The following ANXA4 variants were observed in gnomAD, a reference collection of about 807,000 sequenced individuals.
ANXA4 encodes the protein annexin A4.
A neutral mutation model predicts 49.8 loss-of-function variants in ANXA4; 39 were observed. That is an observed-to-expected ratio of 0.78 (90% confidence interval 0.61 to 1.02). The LOEUF is 1.02. ANXA4 is among the 50% of genes least tolerant of loss of function. ANXA4 has a pLI of 0.00. For missense variants in ANXA4, 360 were observed against 410.1 expected, an observed-to-expected ratio of 0.88 and a Z score of 1.05; for synonymous variants, 134 against 152.5, an observed-to-expected ratio of 0.88 and a Z score of 0.89.
Position 69,787,934 on chromosome 2 carries a change from C to G in ANXA4, c.10-120C>G, listed in dbSNP as rs1018148391. On this transcript the variant is annotated intron_variant, in intron 2 of 12. Transcript: ENST00000394295. ...TAATTTTTCATGGTCACTACTGTACCCCTAGCACCTAGAATACCATCTAGG... is the reference window on the plus strand; with the variant it reads ...TAATTTTTCATGGTCACTACTGTACGCCTAGCACCTAGAATACCATCTAGG... 73 of 823,786 alleles carry G rather than the reference C, an allele frequency of 8.9e-5. No individual in the cohort carries two copies. In the Admixed American group the frequency reaches 1.3e-3, roughly 15 times the overall value. The allele number at this position is 823,786 out of a possible 1,614,324, so 51.0% of individuals were successfully genotyped here. A position where few individuals can be genotyped will look rare whatever the true frequency, so the allele number is the denominator to read the frequency against.
chr2:69,817,734 A>G (rs1171209580), intron 9 of ANXA4: 1 of 152,200 alleles, frequency 6.6e-6, no homozygotes, highest in Non-Finnish European at 1.5e-5. Flanking sequence ...AAAATGCTAA[A>G]TATTGACCCC....
intron 2 of ANXA4, among the ~76,000 whole-genome samples, chr2:69,663,293 CTTTTTTTTTTTTTTTTTTTT>C (rs55970370): frequency 4.7e-5 from 2 of 42,822 alleles, no homozygotes; most frequent in Non-Finnish European, 8.2e-5. Flanking sequence ...TGCACCCGGC[CTTTTTTTTTTTTTTTTTTTT>C]TTTTTTTTTT....
intron 4 of ANXA4, 22 bp downstream of exon 4, chr2:69,804,649 T>C (rs1297407752): frequency 6.3e-7 from 1 of 1,591,972 alleles, no homozygotes; most frequent in Non-Finnish European, 8.6e-7. Flanking sequence ...TCTTTCCTGC[T>C]CTGTCTGGCT....
At position 69,773,940 on chromosome 2, in the gene ANXA4, C is replaced by T. The variant is rs561722789; in HGVS notation, c.-46-7580C>T. Among the ~76,000 whole-genome samples the T allele has an allele frequency of 3.9e-5, 6 of 151,952 alleles. No homozygotes were observed. The South Asian group carries it at 1.3e-3, about 32-fold the overall frequency. ...TCACCGCGCCCGTCCTCAAGCAATT[C>T]TTGTACCTCAGCCTCCCTAGTAGCT... On this transcript the variant is annotated intron_variant, in intron 1 of 12. Coordinates refer to ENST00000394295, the MANE Select transcript of ANXA4 (RefSeq NM_001153.5).
upstream of ANXA4, among the ~76,000 whole-genome samples, chr2:69,740,449 G>A (rs13423079): frequency 1.8e-3 from 265 of 151,092 alleles, 1 homozygote; most frequent in African/African-American, 6.2e-3. Context: ...GTTTTGTTTT[G>A]TTTTTGTTTT....
At chr2:69,777,167 A>G (rs1236774423) in intron 1 of ANXA4, among the ~76,000 whole-genome samples, 1 of 152,132 alleles carries the variant, frequency 6.6e-6, no homozygotes, top group Non-Finnish European at 1.5e-5. Flanking sequence ...CAGCACCTCC[A>G]TATGTTCACT....
chr2:69,690,951 G>C (rs143050319), intron 2 of ANXA4, among the ~76,000 whole-genome samples: 47 of 152,226 alleles, frequency 3.1e-4, no homozygotes, highest in Non-Finnish European at 6.2e-4. Context: ...AAATAACCAA[G>C]AAATAACAAT....
chr2:69,677,732 C>G (rs1677458991), intron 2 of ANXA4, among the ~76,000 whole-genome samples: 1 of 152,138 alleles, frequency 6.6e-6, no homozygotes, highest in Non-Finnish European at 1.5e-5. Context: ...CTGACCTTCT[C>G]CCTCCCTCCT....
chr2:69,794,610 T>G (rs1217990337), intron 3 of ANXA4, among the ~76,000 whole-genome samples: 2 of 151,832 alleles, frequency 1.3e-5, no homozygotes, highest in Non-Finnish European at 2.9e-5. Flanking sequence ...TCGCCCAGGC[T>G]GGAGTGCAGT....
chr2:69,714,388 A>G (rs1317998518), intron 2 of ANXA4, among the ~76,000 whole-genome samples: 5 of 152,214 alleles, frequency 3.3e-5, no homozygotes, highest in South Asian at 2.1e-4. Flanking sequence ...AAACGACTCT[A>G]TAGAATACAA....
At chr2:69,648,954 T>G (rs1439160740) in intron 1 of ANXA4, among the ~76,000 whole-genome samples, 1 of 148,458 alleles carries the variant, frequency 6.7e-6, no homozygotes, top group Non-Finnish European at 1.5e-5. Flanking sequence ...GGCACAATCT[T>G]GGCTCACCGC....
chr2:69,692,437 C>G (rs1678007953), intron 2 of ANXA4, among the ~76,000 whole-genome samples: 2 of 152,212 alleles, frequency 1.3e-5, no homozygotes, highest in South Asian at 4.1e-4. Context: ...ATCATTTCAT[C>G]CTAATGAACG....
At chr2:69,799,355 A>G (rs1673087944) in intron 3 of ANXA4, among the ~76,000 whole-genome samples, 1 of 152,150 alleles carries the variant, frequency 6.6e-6, no homozygotes, top group Non-Finnish European at 1.5e-5. Flanking sequence ...ACTGGGGCCC[A>G]TTGTATAAGT....
intron 2 of ANXA4, among the ~76,000 whole-genome samples, chr2:69,714,670 T>C (rs1261948187): frequency 6.6e-6 from 1 of 152,230 alleles, no homozygotes; most frequent in East Asian, 1.9e-4. Flanking sequence ...TGGGGCCTAA[T>C]TTGTGATGGG....
At chr2:69,693,472 C>T (rs747779549) in intron 2 of ANXA4, among the ~76,000 whole-genome samples, 7 of 152,024 alleles carry the variant, frequency 4.6e-5, no homozygotes, top group Non-Finnish European at 8.8e-5. Context: ...ATTTGGGGCT[C>T]AAGCAGATGG....
chr2:69,814,957 G>A (rs987529960), intron 8 of ANXA4: 1 of 152,400 alleles, frequency 6.6e-6, no homozygotes, highest in Non-Finnish European at 1.5e-5. Context: ...GGAAACCCAT[G>A]AAGAGCTGAT....
At chr2:69,795,085 T>A (rs533715309) in intron 3 of ANXA4, among the ~76,000 whole-genome samples, 34 of 152,322 alleles carry the variant, frequency 2.2e-4, no homozygotes, top group African/African-American at 8.2e-4. Flanking sequence ...CCCTTTCAGC[T>A]AAGAAATTAA....
intron 12 of ANXA4, 122 bp downstream of exon 12, chr2:69,820,943 C>A: frequency 1.9e-6 from 2 of 1,071,688 alleles, no homozygotes; most frequent in Non-Finnish European, 2.6e-6. Flanking sequence ...AGATTATGCT[C>A]CCGATATTTC....
chr2:69,818,828 G>T (rs1674111414), intron 10 of ANXA4, 134 bp downstream of exon 10: 6 of 592,740 alleles, frequency 1.0e-5, no homozygotes, highest in South Asian at 2.4e-5. Context: ...TTACATTCCA[G>T]ATTTTTAAAC....
Sources: gnomAD v4.1 joint callset for allele counts (sites outside exome capture counted in the v4.1 genomes callset) on GRCh38, gnomAD v4.1.1 for gene constraint, MANE v1.5 for transcripts, NCBI Gene and HGNC (gene_info 2026-07-23, HGNC 2026-07-21) for gene names.